Variants in LASP1 observed in about 807,000 individuals in gnomAD.
LASP1 encodes the protein LIM and SH3 domain protein 1.
LASP1 carries 10 observed loss-of-function variants against 38.6 expected under a neutral mutation model. The observed-to-expected ratio is 0.26, with a 90% CI of 0.16 to 0.44. The LOEUF (loss-of-function observed/expected upper bound fraction) is 0.44, where lower values mean the gene tolerates loss of function less well. Among genes scored for constraint, LASP1 ranks in the 20% least tolerant of loss-of-function variants. The pLI is 1.00. For synonymous variants in LASP1, 132 were observed against 140.8 expected, an observed-to-expected ratio of 0.94 and a Z score of 0.44; for missense variants, 243 against 375.7, an observed-to-expected ratio of 0.65 and a Z score of 2.92.
intron 1 of LASP1, among the ~76,000 whole-genome samples, chr17:38,875,676 C>A (rs1471865622): frequency 6.6e-6 from 1 of 152,142 alleles, no homozygotes; most frequent in Non-Finnish European, 1.5e-5. Flanking sequence ...TGATTTCCCC[C>A]TGAAATTACC....
intron 2 of LASP1, among the ~76,000 whole-genome samples, chr17:38,884,687 CTTT>C (rs1202417090): frequency 1.9e-5 from 2 of 102,912 alleles, no homozygotes; most frequent in Non-Finnish European, 1.9e-5. Flanking sequence ...CCACGTCCGG[CTTT>C]TTTTTTTTTT....
rs573076971 is a variant in LASP1 at position 38,921,178 on chromosome 17, C to T, written c.*2400C>T. Reference sequence around the variant, plus strand: ...CATCCATCCCTAGAAGAGCACAGAGCCCTGAGGGGCTGGGCTGGGCTGGGC... The same window carrying T: ...CATCCATCCCTAGAAGAGCACAGAGTCCTGAGGGGCTGGGCTGGGCTGGGC... On this transcript the variant is annotated 3_prime_UTR_variant, in exon 7 of 7. Coordinates refer to ENST00000318008, the MANE Select transcript of LASP1 (RefSeq NM_006148.4). 16 of 229,592 alleles carry T rather than the reference C, an allele frequency of 7.0e-5. No individual in the cohort carries two copies. The highest frequency in any genetic ancestry group is 1.7e-4 in the Admixed American group (3 of 17,622). 14.2% of individuals were successfully genotyped at this position (229,592 alleles called of 1,614,324 possible).
rs559409234 is a variant in LASP1 at position 38,886,763 on chromosome 17, G to A, written c.165-3657G>A. Among the ~76,000 whole-genome samples the A allele has an allele frequency of 9.2e-4, 140 of 152,050 alleles. 1 individual carries two copies. Among genetic ancestry groups the A allele is most frequent in the Non-Finnish European group, 1.6e-3 (111 of 68,012 alleles). ...CCTGGGTGTCTTGGAGGCGCCCATC[G>A]GTGCAGAGGGCACATCTATATATTC... On this transcript the variant is annotated intron_variant, in intron 2 of 6. Transcript: ENST00000318008.
chr17:38,903,074 T>C (rs1183772717), intron 4 of LASP1, among the ~76,000 whole-genome samples: 1 of 152,234 alleles, frequency 6.6e-6, no homozygotes, highest in East Asian at 1.9e-4. Flanking sequence ...AGGGATATGC[T>C]GCAGACTAGG....
In LASP1 at chr17:38,920,427, A is replaced by C. The variant is rs1052053715; in HGVS notation, c.*1649A>C. 1.1e-5 allele frequency: 3 copies of C among 280,754 alleles called. No individual in the cohort carries two copies. Among genetic ancestry groups the C allele is most frequent in the Non-Finnish European group, 1.4e-5 (2 of 144,110 alleles). 17.4% of individuals were successfully genotyped at this position (280,754 alleles called of 1,614,324 possible). On this transcript the variant is annotated 3_prime_UTR_variant, in exon 7 of 7. Transcript: ENST00000318008. ...TATATCCAGTTCCTGCTCTCTGCTC[A>C]TGGGTGGCTGTGACAACCCTGGCCT...
At chr17:38,898,624 C>T in intron 4 of LASP1, 105 bp downstream of exon 4, 1 of 849,650 alleles carries the variant, frequency 1.2e-6, no homozygotes, top group Non-Finnish European at 1.9e-6. Flanking sequence ...AGGCCAGTGC[C>T]TCCACTACCC....
intron 4 of LASP1, chr17:38,904,374 C>G (rs1914722660): frequency 6.6e-6 from 1 of 152,090 alleles, no homozygotes; most frequent in Non-Finnish European, 1.5e-5. Flanking sequence ...GGGCAGATCA[C>G]CTGAGGTCTG....
intron 1 of LASP1, among the ~76,000 whole-genome samples, chr17:38,877,562 GGGC>G (rs1913816720): frequency 6.6e-6 from 1 of 152,146 alleles, no homozygotes; most frequent in African/African-American, 2.4e-5. Context: ...GGCTCATGTG[GGGC>G]TGGTGGGTGT....
rs530593526 is a variant in LASP1 at position 38,892,551 on chromosome 17, GACACACACACACACAC to G, written c.249+2072_249+2087del. ...TGGGAGCAGATAGCAGGTCTTTGGA[GACACACACACACACAC>G]ACACACACACACACACACACACACC... On this transcript the variant is annotated intron_variant, in intron 3 of 6. Coordinates refer to ENST00000318008, the MANE Select transcript of LASP1 (RefSeq NM_006148.4). Among the ~76,000 whole-genome samples, 466 of 143,838 alleles carry G rather than the reference GACACACACACACACAC, an allele frequency of 3.2e-3. 9 individuals carry two copies. Among genetic ancestry groups the G allele is most frequent in the Admixed American group, 0.027 (388 of 14,524 alleles). The allele number at this position is 143,838 out of a possible 152,430, so 94.4% of individuals were successfully genotyped here. A position where few individuals can be genotyped will look rare whatever the true frequency, so the allele number is the denominator to read the frequency against.
intron 4 of LASP1, among the ~76,000 whole-genome samples, chr17:38,908,977 C>A (rs1450222966): frequency 6.6e-6 from 1 of 152,210 alleles, no homozygotes; most frequent in Non-Finnish European, 1.5e-5. Flanking sequence ...GCAGGTTTTG[C>A]CTCTCCTCCT....
intron 2 of LASP1, among the ~76,000 whole-genome samples, chr17:38,879,358 G>T (rs931513460): frequency 2.0e-5 from 3 of 151,420 alleles, no homozygotes; most frequent in Non-Finnish European, 2.9e-5. Flanking sequence ...GGGTTTCACC[G>T]TGTTGGCCAG....
chr17:38,880,258 G>A (rs948092092), intron 2 of LASP1, among the ~76,000 whole-genome samples: 4 of 152,226 alleles, frequency 2.6e-5, no homozygotes, highest in African/African-American at 9.6e-5. Context: ...AGTGAGCACT[G>A]GGAGCTGGAG....
At chr17:38,889,695 G>A (rs962263086) in intron 2 of LASP1, among the ~76,000 whole-genome samples, 2 of 152,156 alleles carry the variant, frequency 1.3e-5, no homozygotes, top group Non-Finnish European at 2.9e-5. Flanking sequence ...GTCTCAGTAT[G>A]GATATTCAAA....
At chr17:38,901,195 T>C (rs1914630750) in intron 4 of LASP1, among the ~76,000 whole-genome samples, 1 of 152,224 alleles carries the variant, frequency 6.6e-6, no homozygotes, top group African/African-American at 2.4e-5. Flanking sequence ...TGCTTCCCTT[T>C]CTGGAAGGCT....
rs1915274612 is a variant in LASP1 at position 38,920,702 on chromosome 17, G to A, written c.*1924G>A. The A allele has an allele frequency of 4.3e-6, 1 of 234,042 alleles. No homozygotes were observed. The highest frequency in any genetic ancestry group is 8.5e-6 in the Non-Finnish European group (1 of 118,300). 14.5% of individuals were successfully genotyped at this position (234,042 alleles called of 1,614,324 possible). ...GGTTGAGGAAAAGACTGTGGGTGGGGAGGCCCTGCCTGACCCATCCCTTTT... is the reference window on the plus strand; with the variant it reads ...GGTTGAGGAAAAGACTGTGGGTGGGAAGGCCCTGCCTGACCCATCCCTTTT... On this transcript the variant is annotated 3_prime_UTR_variant, in exon 7 of 7. Transcript: ENST00000318008.
intron 2 of LASP1, among the ~76,000 whole-genome samples, chr17:38,886,156 C>T (rs1263114124): frequency 3.9e-5 from 6 of 151,922 alleles, no homozygotes; most frequent in African/African-American, 1.5e-4. Flanking sequence ...CTCTGTCTCG[C>T]TCTCGCTCTC....
chr17:38,884,474 G>A lies in LASP1; in HGVS notation c.165-5946G>A, dbSNP rs1914052509. Among the ~76,000 whole-genome samples, 3 of 150,070 alleles carry A rather than the reference G, an allele frequency of 2.0e-5. No homozygotes were observed. In the Admixed American group the frequency reaches 2.0e-4, roughly 10 times the overall value. On this transcript the variant is annotated intron_variant, in intron 2 of 6. Coordinates refer to ENST00000318008, the MANE Select transcript of LASP1 (RefSeq NM_006148.4). ...GCAATCTTGGCTCACTGCAACCTCT[G>A]CCTCCTGGGTTCAAGCGGTTCTCCC...
At chr17:38,903,814 G>A (rs993559943) in intron 4 of LASP1, 3 of 152,222 alleles carry the variant, frequency 2.0e-5, no homozygotes, top group Non-Finnish European at 4.4e-5. Flanking sequence ...GAGAATGTGT[G>A]GAAGTGAGGA....
chr17:38,887,809 C>T (rs1272916420), intron 2 of LASP1, among the ~76,000 whole-genome samples: 1 of 152,208 alleles, frequency 6.6e-6, no homozygotes, highest in Non-Finnish European at 1.5e-5. Context: ...GAGCCCTGCC[C>T]TTCACAAGTG....
Sources: gnomAD v4.1 joint callset for allele counts (sites outside exome capture counted in the v4.1 genomes callset) on GRCh38, gnomAD v4.1.1 for gene constraint, MANE v1.5 for transcripts, NCBI Gene and HGNC (gene_info 2026-07-23, HGNC 2026-07-21) for gene names.